The following PLXNA4 variants were observed in gnomAD, a reference collection of about 807,000 sequenced individuals.
The protein encoded by PLXNA4 is plexin A4.
In PLXNA4, 44 loss-of-function variants were observed where a neutral mutation model predicts 191.8. That is an observed-to-expected ratio of 0.23 (90% CI 0.18 to 0.29). PLXNA4 has a LOEUF of 0.29. PLXNA4 is among the 10% of genes least tolerant of loss of function. PLXNA4 has a pLI of 1.00. For synonymous variants in PLXNA4, 1,082 were observed against 1,009.5 expected, an observed-to-expected ratio of 1.07 and a Z score of -1.36; for missense variants, 1,800 against 2,488.8, an observed-to-expected ratio of 0.72 and a Z score of 5.89.
At chr7:132,639,713 G>A (rs1478347706) in intron 2 of PLXNA4, among the ~76,000 whole-genome samples, 1 of 152,184 alleles carries the variant, frequency 6.6e-6, no homozygotes, top group African/African-American at 2.4e-5. Context: ...CCAAAATAAT[G>A]TTAAAGTTTT....
At chr7:132,394,777 T>G (rs949789349) in intron 3 of PLXNA4, among the ~76,000 whole-genome samples, 8 of 152,214 alleles carry the variant, frequency 5.3e-5, no homozygotes, top group Admixed American at 3.9e-4. Flanking sequence ...TGCCCTGGGA[T>G]TCTAGTCATG....
intron 3 of PLXNA4, among the ~76,000 whole-genome samples, chr7:132,399,476 A>G (rs952386330): frequency 2.6e-5 from 4 of 152,240 alleles, no homozygotes; most frequent in Non-Finnish European, 1.5e-5. Context: ...AAGGCAGTCA[A>G]TGCAGGTGAA....
chr7:132,603,317 C>T (rs1197512458), intron 2 of PLXNA4, among the ~76,000 whole-genome samples: 6 of 152,032 alleles, frequency 3.9e-5, no homozygotes, highest in African/African-American at 1.2e-4. Flanking sequence ...AGAGAGGAGC[C>T]GAGCTGCTTC....
intron 3 of PLXNA4, among the ~76,000 whole-genome samples, chr7:132,416,540 A>C (rs1318317188): frequency 6.6e-6 from 1 of 152,120 alleles, no homozygotes; most frequent in African/African-American, 2.4e-5. Context: ...CCCTTCTGAG[A>C]TGTGCACAGA....
intron 4 of PLXNA4, chr7:132,264,093 T>C (rs75354836): frequency 6.6e-6 from 1 of 152,118 alleles, no homozygotes; most frequent in African/African-American, 2.4e-5. Flanking sequence ...TGCACTCAGA[T>C]ACAAGACTGA....
intron 4 of PLXNA4, among the ~76,000 whole-genome samples, chr7:132,280,303 G>A (rs1455624601): frequency 6.6e-6 from 1 of 152,042 alleles, no homozygotes; most frequent in Non-Finnish European, 1.5e-5. Context: ...AAGAAGGTGG[G>A]AGAAACACAA....
At chr7:132,594,857 T>C (rs966796220) in intron 2 of PLXNA4, among the ~76,000 whole-genome samples, 5 of 151,892 alleles carry the variant, frequency 3.3e-5, no homozygotes, top group Non-Finnish European at 7.4e-5. Flanking sequence ...CTAGAAAGTA[T>C]GGAGATTTCT....
intron 3 of PLXNA4, among the ~76,000 whole-genome samples, chr7:132,326,124 T>C (rs888347515): frequency 6.6e-6 from 1 of 152,136 alleles, no homozygotes; most frequent in Admixed American, 6.5e-5. Context: ...ACCAATCTAC[T>C]GAGGGCCCGA....
chr7:132,373,499 C>T (rs1469538826), intron 3 of PLXNA4, among the ~76,000 whole-genome samples: 4 of 152,196 alleles, frequency 2.6e-5, no homozygotes, highest in African/African-American at 9.7e-5. Context: ...CCATCAGCTC[C>T]TCCTGGACTA....
In PLXNA4 at chr7:132,187,539, T is replaced by C. The variant is rs1327904732; in HGVS notation, c.2925A>G (p.Thr975=). ...PMSGGTQVTI[T]GTNLNAGSNV... ...TGCTTCCGGCATTCAGGTTGGTGCC[T>C]GTGATGGTCACTTGGGTCCCTCCGG... Residue 975 remains threonine (T), a synonymous_variant, in exon 15 of 32, where the codon ACA becomes ACG. Transcript: ENST00000321063. The C allele has an allele frequency of 6.2e-7, 1 of 1,614,044 alleles. No individual in the cohort carries two copies. Among genetic ancestry groups the C allele is most frequent in the African/African-American group, 1.3e-5 (1 of 74,944 alleles).
intron 3 of PLXNA4, among the ~76,000 whole-genome samples, chr7:132,319,094 C>T (rs965238361): frequency 6.6e-6 from 1 of 152,138 alleles, no homozygotes; most frequent in South Asian, 2.1e-4. Context: ...ATCCAAAGGC[C>T]CTTCTGAAAC....
At chr7:132,358,688 A>G (rs1803809851) in intron 3 of PLXNA4, among the ~76,000 whole-genome samples, 1 of 152,226 alleles carries the variant, frequency 6.6e-6, no homozygotes. Flanking sequence ...TAAAGGGATA[A>G]AAACAAGCTT....
At chr7:132,193,917 T>C in intron 14 of PLXNA4, 145 bp downstream of exon 14, 1 of 1,059,394 alleles carries the variant, frequency 9.4e-7, no homozygotes. Flanking sequence ...TCACTCACTA[T>C]AAGACAGGAG....
chr7:132,267,210 C>T (rs1563001586), intron 4 of PLXNA4, among the ~76,000 whole-genome samples: 1 of 152,158 alleles, frequency 6.6e-6, no homozygotes, highest in African/African-American at 2.4e-5. Context: ...ATCAGTTCAC[C>T]TTGGGAAGTG....
chr7:132,404,457 G>C (rs1463893069), intron 3 of PLXNA4, among the ~76,000 whole-genome samples: 2 of 152,212 alleles, frequency 1.3e-5, no homozygotes, highest in Admixed American at 1.3e-4. Flanking sequence ...CCCAGAGCCA[G>C]GGGGCAGTGG....
chr7:132,369,543 C>A (rs533164283), intron 3 of PLXNA4, among the ~76,000 whole-genome samples: 70 of 152,156 alleles, frequency 4.6e-4, no homozygotes, highest in African/African-American at 1.7e-3. Context: ...AATGGAAGAG[C>A]CCCCAGTGGG....
chr7:132,507,077 G>T (rs1392200985), intron 2 of PLXNA4, among the ~76,000 whole-genome samples: 1 of 152,126 alleles, frequency 6.6e-6, no homozygotes, highest in East Asian at 1.9e-4. Flanking sequence ...TCTACCATAT[G>T]GTTTTTATTC....
At chr7:132,225,749 G>C (rs1798300511) in intron 8 of PLXNA4, among the ~76,000 whole-genome samples, 1 of 152,172 alleles carries the variant, frequency 6.6e-6, no homozygotes, top group South Asian at 2.1e-4. Flanking sequence ...ACACACTGGG[G>C]CTTCTCTCCC....
upstream of PLXNA4, among the ~76,000 whole-genome samples, chr7:132,579,657 G>A (rs1191932786): frequency 1.3e-5 from 2 of 151,642 alleles, no homozygotes; most frequent in Non-Finnish European, 2.9e-5. Flanking sequence ...TAATAACAGA[G>A]CCAAATGACA....
Sources: allele counts gnomAD v4.1 joint callset (sites outside exome capture counted in the v4.1 genomes callset), GRCh38; gene constraint gnomAD v4.1.1; transcripts MANE v1.5; gene names NCBI Gene and HGNC (gene_info 2026-07-23, HGNC 2026-07-21).